The following NECAB2 variants were observed in gnomAD, a reference collection of about 807,000 sequenced individuals.
NECAB2 encodes N-terminal EF-hand calcium-binding protein 2.
In NECAB2, 68 loss-of-function variants were observed where a neutral mutation model predicts 51.9. The ratio of observed to expected loss-of-function variants is 1.31; its 90% CI spans 1.08 to 1.60. NECAB2 has a LOEUF of 1.60. Among genes scored for constraint, NECAB2 ranks in the 40% most tolerant of loss-of-function variants. The pLI, the probability that NECAB2 is intolerant of heterozygous loss-of-function variation, is 0.00. For missense variants in NECAB2, 854 were observed against 490.3 expected (o/e 1.74, Z -7.00); for synonymous variants, 329 against 203.5 (o/e 1.62, Z -5.25).
intron 10 of NECAB2, among the ~76,000 whole-genome samples, chr16:83,998,592 A>T (rs564863876): frequency 6.6e-6 from 1 of 152,184 alleles, no homozygotes; most frequent in African/African-American, 2.4e-5. Flanking sequence ...ATGAGTGCAT[A>T]TACAATCAAG....
At chr16:83,967,321 G>A (rs1200273261), upstream of NECAB2, among the ~76,000 whole-genome samples, 1 of 146,612 alleles carries the variant, frequency 6.8e-6, no homozygotes, top group Admixed American at 6.8e-5. Flanking sequence ...CACCTGCCTG[G>A]CACCTAGTGG....
At chr16:83,990,894 C>G (rs1038191753) in intron 6 of NECAB2, among the ~76,000 whole-genome samples, 3 of 152,102 alleles carry the variant, frequency 2.0e-5, no homozygotes, top group Non-Finnish European at 2.9e-5. Context: ...AGTGAAGACA[C>G]CATTTCCCAG....
chr16:83,984,186 G>A (rs1178130062), intron 5 of NECAB2, among the ~76,000 whole-genome samples: 3 of 151,308 alleles, frequency 2.0e-5, no homozygotes, highest in Admixed American at 6.6e-5. Context: ...TAGTAGAGAC[G>A]GGGTTTCATC....
chr16:83,997,402 C>A, intron 9 of NECAB2, 133 bp downstream of exon 9: 1 of 1,104,176 alleles, frequency 9.1e-7, no homozygotes, highest in Non-Finnish European at 1.3e-6. Flanking sequence ...TGTCGCCCAG[C>A]GCTTGGCACC....
At chr16:83,977,683 C>A (rs1011182141) in intron 2 of NECAB2, among the ~76,000 whole-genome samples, 2 of 152,194 alleles carry the variant, frequency 1.3e-5, no homozygotes, top group Non-Finnish European at 2.9e-5. Context: ...CTCCTTCCTG[C>A]ATGGCTTGGC....
intron 1 of NECAB2, chr16:83,971,730 C>T (rs910951860): frequency 8.3e-5 from 19 of 229,984 alleles, no homozygotes; most frequent in African/African-American, 4.4e-4. Flanking sequence ...GGAAACACAC[C>T]AGGGGTTTTG....
In NECAB2 at chr16:83,998,337, G is replaced by A. The variant is rs374185082; in HGVS notation, c.962+20G>A. 82 of 1,609,374 alleles carry A rather than the reference G, an allele frequency of 5.1e-5. No homozygotes were observed. The highest frequency in any genetic ancestry group is 2.3e-4 in the Admixed American group (14 of 59,858). On this transcript the variant is annotated intron_variant, in intron 10 of 12. Transcript: ENST00000305202. The stretch of plus-strand genomic sequence containing the variant: ...CTTCCAGTGAGTGAGCTGCCGAGGC[G>A]TGGGTGGGATGGTGGCAGGGAGCTC...
chr16:83,972,054 C>T (rs772143417), intron 1 of NECAB2, 97 bp from the exon 2 acceptor site: 94 of 1,543,582 alleles, frequency 6.1e-5, no homozygotes, highest in Non-Finnish European at 5.7e-5. Flanking sequence ...CTAAGCTGCT[C>T]CTGGGAGAAG....
In NECAB2 at chr16:83,978,497, C is replaced by A; in HGVS notation, c.280C>A (p.Leu94Ile). Residue 94 changes from leucine (L) to isoleucine (I), a missense_variant, in exon 3 of 13, where the codon CTT becomes ATT. By Grantham distance (5) the Leu-to-Ile change is conservative. Coordinates refer to ENST00000305202, the MANE Select transcript of NECAB2 (RefSeq NM_019065.3). ...EFQLFFADGV[L>I]NEKELEDLFH... ...CCAGCTCTTCTTTGCAGATGGCGTC[C>A]TTAATGAGAAAGAACTGGAGGATCT... 6.2e-7 allele frequency: 1 copy of A among 1,613,976 alleles called. No individual in the cohort carries two copies. The highest frequency in any genetic ancestry group is 8.5e-7 in the Non-Finnish European group (1 of 1,179,982).
At chr16:83,984,907 C>G (rs1263494115) in intron 5 of NECAB2, among the ~76,000 whole-genome samples, 35 of 152,018 alleles carry the variant, frequency 2.3e-4, no homozygotes, top group Admixed American at 2.3e-3. Context: ...ATTTATAGCT[C>G]CTATCATTAT....
intron 10 of NECAB2, among the ~76,000 whole-genome samples, chr16:84,000,207 G>A (rs1375026848): frequency 6.6e-6 from 1 of 152,156 alleles, no homozygotes; most frequent in African/African-American, 2.4e-5. Flanking sequence ...CAGCCACCTG[G>A]TTTTGTTTAA....
At chr16:83,991,269 C>T (rs962784009) in intron 6 of NECAB2, among the ~76,000 whole-genome samples, 1 of 152,032 alleles carries the variant, frequency 6.6e-6, no homozygotes, top group Non-Finnish European at 1.5e-5. Flanking sequence ...AGGTGTGAGC[C>T]ACCACAGCTA....
chr16:83,998,216 G>A lies in NECAB2; in HGVS notation c.861G>A (p.Leu287=), dbSNP rs757545228. The A allele has an allele frequency of 6.2e-7, 1 of 1,610,054 alleles. No homozygotes were observed. The highest frequency in any genetic ancestry group is 1.7e-5 in the Admixed American group (1 of 60,006). The change falls in exon 10 of 13, where the codon CTG becomes CTA. Residue 287 remains leucine (L), a synonymous_variant. Transcript: ENST00000305202. The stretch of plus-strand genomic sequence containing the variant: ...GCTGTGCCCGGCAGCACCTGCAGCT[G>A]GTCCGGCAGGAGATGGCCGTGTGCC... The part of the protein sequence containing the change: ...DEDGTNMHLQ[L]VRQEMAVCPE...
chr16:83,999,409 C>T (rs983377856), intron 10 of NECAB2, among the ~76,000 whole-genome samples: 8 of 152,136 alleles, frequency 5.3e-5, no homozygotes, highest in African/African-American at 1.4e-4. Flanking sequence ...AGAGGAGGCA[C>T]GGTGGACGTA....
In NECAB2 at chr16:84,000,817, C is replaced by T. The variant is rs758549305; in HGVS notation, c.1040+16C>T. The T allele has an allele frequency of 1.4e-5, 23 of 1,611,132 alleles. No homozygotes were observed. Among genetic ancestry groups the T allele is most frequent in the Middle Eastern group, 1.7e-4 (1 of 6,028 alleles). On this transcript the variant is annotated intron_variant, in intron 11 of 12. Coordinates refer to ENST00000305202, the MANE Select transcript of NECAB2 (RefSeq NM_019065.3). Reference sequence around the variant, plus strand: ...CGTGGAAGAGGTGAGATGCTGGGTCCCCACAGCAGGTGAGGGAGACAGAGG... The same window carrying T: ...CGTGGAAGAGGTGAGATGCTGGGTCTCCACAGCAGGTGAGGGAGACAGAGG...
intron 5 of NECAB2, among the ~76,000 whole-genome samples, chr16:83,983,230 T>C (rs1019416511): frequency 2.0e-5 from 3 of 152,204 alleles, no homozygotes; most frequent in South Asian, 2.1e-4. Context: ...GGTTGTTGTT[T>C]TGAATGCTTT....
At position 83,994,822 on chromosome 16, in the gene NECAB2, G is replaced by A; in HGVS notation, c.795+134G>A. 5.8e-6 allele frequency: 6 copies of A among 1,035,954 alleles called. No individual in the cohort carries two copies. The South Asian group carries it at 7.3e-5, about 13-fold the overall frequency. The allele number at this position is 1,035,954 out of a possible 1,614,324, so 64.2% of individuals were successfully genotyped here. A position where few individuals can be genotyped will look rare whatever the true frequency, so the allele number is the denominator to read the frequency against. Reference sequence around the variant, plus strand: ...CATGAAAAAGACATCCCCCAGGTGGGGCGTGGAGCTGCCGAGGACGAAGCT... The same window carrying A: ...CATGAAAAAGACATCCCCCAGGTGGAGCGTGGAGCTGCCGAGGACGAAGCT... On this transcript the variant is annotated intron_variant, in intron 8 of 12. Transcript: ENST00000305202.
At chr16:83,984,510 C>G (rs936600856) in intron 5 of NECAB2, among the ~76,000 whole-genome samples, 6 of 151,558 alleles carry the variant, frequency 4.0e-5, no homozygotes, top group African/African-American at 1.5e-4. Flanking sequence ...ATCGCTTGAG[C>G]CCAGAAGTTC....
chr16:84,001,744 C>G (rs549720745), intron 11 of NECAB2, 81 bp from the exon 12 acceptor site: 335 of 1,490,820 alleles, frequency 2.2e-4, no homozygotes, highest in Non-Finnish European at 3.0e-4. Flanking sequence ...CCATTTTGGG[C>G]TAGAGCTAGG....
Sources: gnomAD v4.1 joint callset for allele counts (sites outside exome capture counted in the v4.1 genomes callset) on GRCh38, gnomAD v4.1.1 for gene constraint, MANE v1.5 for transcripts, NCBI Gene and HGNC (gene_info 2026-07-23, HGNC 2026-07-21) for gene names.